Variants in MPEG1 observed in about 807,000 individuals in gnomAD.
The protein encoded by MPEG1 is macrophage expressed 1.
For synonymous variants in MPEG1, 365 were observed against 351.9 expected, an observed-to-expected ratio of 1.04 and a Z score of -0.42; for missense variants, 876 against 880.3, an observed-to-expected ratio of 1.00 and a Z score of 0.06.
chr11:59,211,713 A>G lies in MPEG1; in HGVS notation c.1153T>C (p.Cys385Arg). The G allele has an allele frequency of 6.2e-7, 1 of 1,614,198 alleles. No homozygotes were observed. Among genetic ancestry groups the G allele is most frequent in the South Asian group, 1.1e-5 (1 of 91,088 alleles). Residue 385 changes from cysteine (C) to arginine (R), a missense_variant, in exon 1 of 1, where the codon TGC becomes CGC. Cys to Arg is a radical substitution (Grantham distance 180). Coordinates refer to ENST00000361050, the MANE Select transcript of MPEG1 (RefSeq NM_001039396.2). ...TCCCTATTCCCTGAGAGCTGAGTGC[A>G]TTCCTGATAAACCCCACCGAAAGAG... ...NFSFGGVYQE[C>R]TQLSGNRDVL...
Position 59,210,391 on chromosome 11 carries a change from A to G in MPEG1, c.*324T>C, listed in dbSNP as rs1038217045. 3.6e-5 allele frequency: 10 copies of G among 277,890 alleles called. No individual in the cohort carries two copies. The Admixed American group carries it at 4.9e-4, about 14-fold the overall frequency. The allele number at this position is 277,890 out of a possible 1,614,324, so 17.2% of individuals were successfully genotyped here. A position where few individuals can be genotyped will look rare whatever the true frequency, so the allele number is the denominator to read the frequency against. ...CAACTGCAAACTTCAGAGTAAATTCATAGCTTCCAAATACAAATGTTCACA... is the reference window on the plus strand; with the variant it reads ...CAACTGCAAACTTCAGAGTAAATTCGTAGCTTCCAAATACAAATGTTCACA... On this transcript the variant is annotated 3_prime_UTR_variant, in exon 1 of 1. Transcript: ENST00000361050.
rs886540083 is a variant in MPEG1 at position 59,209,771 on chromosome 11, G to A, written c.*944C>T. On this transcript the variant is annotated 3_prime_UTR_variant, in exon 1 of 1. Transcript: ENST00000361050. The stretch of plus-strand genomic sequence containing the variant: ...TGTGCGTGTGTGTGTGTGTGTGTGT[G>A]TGTGTGTGTGTTCATATAACAGGAG... The A allele has an allele frequency of 6.5e-6, 1 of 153,768 alleles. No individual in the cohort carries two copies. Among genetic ancestry groups the A allele is most frequent in the Non-Finnish European group, 1.4e-5 (1 of 69,416 alleles). The allele number at this position is 153,768 out of a possible 1,614,324, so 9.5% of individuals were successfully genotyped here.
chr11:59,209,144 T>C lies in MPEG1; in HGVS notation c.*1571A>G, dbSNP rs776074946. ...GGTTACAGAAATCAGTGTCTCTGGCTGGGCAGTCAAGAGAGCGGGCTCAAA... is the reference window on the plus strand; with the variant it reads ...GGTTACAGAAATCAGTGTCTCTGGCCGGGCAGTCAAGAGAGCGGGCTCAAA... On this transcript the variant is annotated 3_prime_UTR_variant, in exon 1 of 1. Coordinates refer to ENST00000361050, the MANE Select transcript of MPEG1 (RefSeq NM_001039396.2). The C allele has an allele frequency of 6.6e-6, 1 of 152,110 alleles. No individual in the cohort carries two copies. The highest frequency in any genetic ancestry group is 1.5e-5 in the Non-Finnish European group (1 of 68,018). 9.4% of individuals were successfully genotyped at this position (152,110 alleles called of 1,614,324 possible).
Position 59,209,391 on chromosome 11 carries a change from G to A in MPEG1, c.*1324C>T. The A allele has an allele frequency of 6.6e-6, 1 of 152,278 alleles. No homozygotes were observed. Among genetic ancestry groups the A allele is most frequent in the African/African-American group, 2.4e-5 (1 of 41,552 alleles). The allele number at this position is 152,278 out of a possible 1,614,324, so 9.4% of individuals were successfully genotyped here. A position where few individuals can be genotyped will look rare whatever the true frequency, so the allele number is the denominator to read the frequency against. ...TAAATATATCATTTAAAAAAATATT[G>A]TAGGGGGATCATGAAAGTAGTGGAG... On this transcript the variant is annotated 3_prime_UTR_variant, in exon 1 of 1. Transcript: ENST00000361050.
Position 59,211,639 on chromosome 11 carries a change from A to T in MPEG1, c.1227T>A (p.Asp409Glu). Residue 409 changes from aspartate (D) to glutamate (E), a missense_variant, in exon 1 of 1, where the codon GAT (aspartate) becomes GAA (glutamate). Transcript: ENST00000361050. ...KLEQKNPLTG[D>E]FSCPSGYSPV... ...GGGAGTAGCCAGAGGGGCAGGAGAA[A>T]TCACCAGTGAGTGGATTCTTCTGCT... is the stretch of plus-strand genomic sequence containing the variant. 2 of 1,614,128 alleles carry T rather than the reference A, an allele frequency of 1.2e-6. No individual in the cohort carries two copies. The highest frequency in any genetic ancestry group is 4.5e-5 in the East Asian group (2 of 44,866).
Position 59,210,990 on chromosome 11 carries a change from G to T in MPEG1, c.1876C>A (p.Gln626Lys). The change falls in exon 1 of 1, where the codon CAG becomes AAG. Residue 626 changes from glutamine to lysine, a missense_variant. Gln to Lys is a moderately conservative substitution (Grantham distance 53). Transcript: ENST00000361050. ...ENARSWIKDS[Q>K]THQWRLGEPI... is the part of the protein sequence containing the mutation. Reference sequence around the variant, plus strand: ...TCTCCCAGCCTCCACTGGTGGGTCTGGGAGTCTTTAATCCAGGATCTCGCA... The same window carrying T: ...TCTCCCAGCCTCCACTGGTGGGTCTTGGAGTCTTTAATCCAGGATCTCGCA... 1 of 1,614,150 alleles carries T rather than the reference G, an allele frequency of 6.2e-7. No individual in the cohort carries two copies. The highest frequency in any genetic ancestry group is 8.5e-7 in the Non-Finnish European group (1 of 1,180,042).
rs1276445186 is a variant in MPEG1 at position 59,211,448 on chromosome 11, T to G, written c.1418A>C (p.Glu473Ala). Reference protein sequence around the residue: ...FWCVASSQVPENSGLLFGGLF... With the variant: ...FWCVASSQVPANSGLLFGGLF... ...GCCCCCAAAAAGCAGTCCTGAGTTTTCAGGTACTTGGCTGCTGGCCACACA... is the reference window on the plus strand; with the variant it reads ...GCCCCCAAAAAGCAGTCCTGAGTTTGCAGGTACTTGGCTGCTGGCCACACA... The change falls in exon 1 of 1, where the codon GAA becomes GCA. Residue 473 changes from glutamate (E) to alanine (A), a missense_variant. By Grantham distance (107) the Glu-to-Ala change is moderately radical. Transcript: ENST00000361050. 6.2e-7 allele frequency: 1 copy of G among 1,614,058 alleles called. No individual in the cohort carries two copies. Among genetic ancestry groups the G allele is most frequent in the Non-Finnish European group, 8.5e-7 (1 of 1,180,036 alleles).
rs914207220 is a variant in MPEG1, at chr11:59,209,707, C to T, written c.*1008G>A. The T allele has an allele frequency of 2.6e-5, 4 of 151,362 alleles. No individual in the cohort carries two copies. The highest frequency in any genetic ancestry group is 6.6e-5 in the Admixed American group (1 of 15,150). 9.4% of individuals were successfully genotyped at this position (151,362 alleles called of 1,614,324 possible). A position where few individuals can be genotyped will look rare whatever the true frequency, so the allele number is the denominator to read the frequency against. ...ATGTGGTCTTACTTTAACTTCTTGC[C>T]TTTGTTACCCCCAGAACCATGCAGA... On this transcript the variant is annotated 3_prime_UTR_variant, in exon 1 of 1. Coordinates refer to ENST00000361050, the MANE Select transcript of MPEG1 (RefSeq NM_001039396.2).
rs760502456 is a variant in MPEG1, at chr11:59,211,862, T to G, written c.1004A>C (p.Glu335Ala). The G allele has an allele frequency of 3.7e-6, 6 of 1,614,156 alleles. No homozygotes were observed. The Admixed American group carries it at 1.0e-4, about 27-fold the overall frequency. ...TGTATAATAGCGCTTCACAGCAGTT[T>G]CCACTGTCTTTGACACCTTCTTCAC... is the stretch of plus-strand genomic sequence containing the variant. ...PLVKKVSKTV[E>A]TAVKRYYTFN... is the part of the protein sequence containing the mutation. The change falls in exon 1 of 1, where the codon GAA (glutamate) becomes GCA (alanine). Residue 335 changes from glutamate to alanine, a missense_variant. Coordinates refer to ENST00000361050, the MANE Select transcript of MPEG1 (RefSeq NM_001039396.2).
Position 59,211,189 on chromosome 11 carries a change from C to T in MPEG1, c.1677G>A (p.Gly559=), listed in dbSNP as rs1232608370. Residue 559 remains glycine (G), a synonymous_variant, in exon 1 of 1, where the codon GGG becomes GGA. Transcript: ENST00000361050. ...TGAGGGCTGGGTGCTGGCTGAAGCC[C>T]CCGGGGCACTTTTTCAGAGACGGTG... ...LGAPSLKKCP[G]GFSQHPALIS... The T allele has an allele frequency of 1.9e-6, 3 of 1,614,162 alleles. No individual in the cohort carries two copies. The highest frequency in any genetic ancestry group is 2.2e-5 in the East Asian group (1 of 44,880).
rs533125954 is a variant in MPEG1, at chr11:59,209,686, G to C, written c.*1029C>G. ...TACAGAGTAAGTAATACTCAAATGT[G>C]GTCTTACTTTAACTTCTTGCCTTTG... On this transcript the variant is annotated 3_prime_UTR_variant, in exon 1 of 1. Coordinates refer to ENST00000361050, the MANE Select transcript of MPEG1 (RefSeq NM_001039396.2). 1.3e-5 allele frequency: 2 copies of C among 152,062 alleles called. No homozygotes were observed. Among genetic ancestry groups the C allele is most frequent in the African/African-American group, 4.8e-5 (2 of 41,500 alleles). 9.4% of individuals were successfully genotyped at this position (152,062 alleles called of 1,614,324 possible).
Position 59,211,356 on chromosome 11 carries a change from G to A in MPEG1, c.1510C>T (p.Leu504=), listed in dbSNP as rs543682633. ...AQSCPAGYFP[L]RLFENLKVCV... is the part of the protein sequence containing the mutation. ...ACCTTGAGGTTTTCAAAGAGTCTCA[G>A]TGGAAAGTAGCCGGCTGGGCATGAC... The change falls in exon 1 of 1, where the codon CTG becomes TTG. Residue 504 remains leucine, a synonymous_variant. Coordinates refer to ENST00000361050, the MANE Select transcript of MPEG1 (RefSeq NM_001039396.2). 2.8e-4 allele frequency: 451 copies of A among 1,614,222 alleles called. 2 individuals carry two copies. In the South Asian group the frequency reaches 4.5e-3, roughly 16 times the overall value.
chr11:59,211,409 T>C lies in MPEG1; in HGVS notation c.1457A>G (p.Lys486Arg), dbSNP rs547636061. The C allele has an allele frequency of 3.2e-5, 51 of 1,614,214 alleles. 1 individual carries two copies. In the South Asian group the frequency reaches 5.5e-4, roughly 17 times the overall value. ...TGCATTTGTCATGGGGTTTATGCTC[T>C]TGCTGCTGAAGAGGCCCCCAAAAAG... is the stretch of plus-strand genomic sequence containing the variant. ...GLLFGGLFSS[K>R]SINPMTNAQS... Residue 486 changes from lysine to arginine, a missense_variant, in exon 1 of 1, where the codon AAG (lysine) becomes AGG (arginine). Coordinates refer to ENST00000361050, the MANE Select transcript of MPEG1 (RefSeq NM_001039396.2).
chr11:59,212,765 C>G lies in MPEG1; in HGVS notation c.101G>C (p.Cys34Ser). 6.2e-7 allele frequency: 1 copy of G among 1,614,234 alleles called. No individual in the cohort carries two copies. The highest frequency in any genetic ancestry group is 8.5e-7 in the Non-Finnish European group (1 of 1,180,048). ...GEMDEVGVQKCKNALKLPVLE... is the reference protein window; with the variant it reads ...GEMDEVGVQKSKNALKLPVLE... ...GACAGGTAGTTTCAAGGCATTCTTG[C>G]ATTTTTGAACTCCAACTTCGTCCAT... Residue 34 changes from cysteine to serine, a missense_variant, in exon 1 of 1, where the codon TGC (cysteine) becomes TCC (serine). Physicochemically the swap from Cys to Ser is moderately radical, Grantham distance 112 (BLOSUM62 -1). Transcript: ENST00000361050.
rs368730226 is a variant in MPEG1, at chr11:59,210,903, C to G, written c.1963G>C (p.Gly655Arg). The G allele has an allele frequency of 1.2e-6, 2 of 1,614,192 alleles. No homozygotes were observed. Among genetic ancestry groups the G allele is most frequent in the African/African-American group, 1.3e-5 (1 of 75,046 alleles). Reference sequence around the variant, plus strand: ...CCCACTGTGACCCCAGCTGCAGCCCCTCCTGACAGACCACCACCATCCCCA... The same window carrying G: ...CCCACTGTGACCCCAGCTGCAGCCCGTCCTGACAGACCACCACCATCCCCA... ...IHGDGGGLSGGAAAGVTVGVT... is the reference protein window; with the variant it reads ...IHGDGGGLSGRAAAGVTVGVT... Residue 655 changes from glycine to arginine, a missense_variant, in exon 1 of 1, where the codon GGG (glycine) becomes CGG (arginine). Transcript: ENST00000361050.
At position 59,210,201 on chromosome 11, in the gene MPEG1, A is replaced by G. The variant is rs1165394125; in HGVS notation, c.*514T>C. The G allele has an allele frequency of 1.3e-5, 2 of 155,072 alleles. No individual in the cohort carries two copies. Among genetic ancestry groups the G allele is most frequent in the Admixed American group, 6.4e-5 (1 of 15,626 alleles). The allele number at this position is 155,072 out of a possible 1,614,324, so 9.6% of individuals were successfully genotyped here. A position where few individuals can be genotyped will look rare whatever the true frequency, so the allele number is the denominator to read the frequency against. ...CACCCAGAGGAGATAACAGTCTGTCAACATAGAGCCCTCAAAGTTAAAAAG... is the reference window on the plus strand; with the variant it reads ...CACCCAGAGGAGATAACAGTCTGTCGACATAGAGCCCTCAAAGTTAAAAAG... On this transcript the variant is annotated 3_prime_UTR_variant, in exon 1 of 1. Coordinates refer to ENST00000361050, the MANE Select transcript of MPEG1 (RefSeq NM_001039396.2).
rs757045568 is a variant in MPEG1, at chr11:59,211,443, A to G, written c.1423T>C (p.Ser475Pro). 2.5e-6 allele frequency: 4 copies of G among 1,614,200 alleles called. No individual in the cohort carries two copies. The highest frequency in any genetic ancestry group is 3.3e-5 in the Admixed American group (2 of 60,028). The change falls in exon 1 of 1, where the codon TCA (serine) becomes CCA (proline). Residue 475 changes from serine (S) to proline (P), a missense_variant. Coordinates refer to ENST00000361050, the MANE Select transcript of MPEG1 (RefSeq NM_001039396.2). Reference sequence around the variant, plus strand: ...AAGAGGCCCCCAAAAAGCAGTCCTGAGTTTTCAGGTACTTGGCTGCTGGCC... The same window carrying G: ...AAGAGGCCCCCAAAAAGCAGTCCTGGGTTTTCAGGTACTTGGCTGCTGGCC... ...CVASSQVPEN[S>P]GLLFGGLFSS...
At position 59,211,169 on chromosome 11, in the gene MPEG1, G is replaced by A. The variant is rs754220372; in HGVS notation, c.1697C>T (p.Ala566Val). 4 of 1,614,204 alleles carry A rather than the reference G, an allele frequency of 2.5e-6. No individual in the cohort carries two copies. In the East Asian group the frequency reaches 8.9e-5, roughly 36 times the overall value. ...KCPGGFSQHP[A>V]LISDGCQVSY... ...CACTTGGCATCCATCGCTGATGAGG[G>A]CTGGGTGCTGGCTGAAGCCCCCGGG... is the stretch of plus-strand genomic sequence containing the variant. The change falls in exon 1 of 1, where the codon GCC (alanine) becomes GTC (valine). Residue 566 changes from alanine to valine, a missense_variant. Physicochemically the swap from Ala to Val is moderately conservative, Grantham distance 64. Coordinates refer to ENST00000361050, the MANE Select transcript of MPEG1 (RefSeq NM_001039396.2).
In MPEG1 at chr11:59,212,577, T is replaced by C; in HGVS notation, c.289A>G (p.Asn97Asp). 1 of 1,614,248 alleles carries C rather than the reference T, an allele frequency of 6.2e-7. No individual in the cohort carries two copies. The highest frequency in any genetic ancestry group is 8.5e-7 in the Non-Finnish European group (1 of 1,180,044). Residue 97 changes from asparagine to aspartate, a missense_variant, in exon 1 of 1, where the codon AAC (asparagine) becomes GAC (aspartate). By Grantham distance (23) the Asn-to-Asp change is conservative. Transcript: ENST00000361050. ...GCCCAGGATTCCAGGATTTCTGAGT[T>C]CATCTCCAGGTTGCTCTGTTTCTGG... ...IPQKQSNLEMNSEILESWANY... is the reference protein window; with the variant it reads ...IPQKQSNLEMDSEILESWANY...
Sources: gnomAD v4.1 joint callset for allele counts on GRCh38, gnomAD v4.1.1 for gene constraint, MANE v1.5 for transcripts, NCBI Gene and HGNC (gene_info 2026-07-23, HGNC 2026-07-21) for gene names.